The following SMOC1 variants were observed in gnomAD, a reference collection of about 807,000 sequenced individuals.
The protein encoded by SMOC1 is SPARC-related modular calcium-binding protein 1.
SMOC1 carries 22 observed loss-of-function variants against 56.3 expected under a neutral mutation model. The ratio of observed to expected loss-of-function variants is 0.39; its 90% CI spans 0.28 to 0.56. The LOEUF (loss-of-function observed/expected upper bound fraction) is 0.56. Ranked by LOEUF, SMOC1 falls within the 20% of genes least tolerant of loss-of-function variation. The pLI is 0.61. For missense variants in SMOC1, 509 were observed against 565.4 expected, an observed-to-expected ratio of 0.90 and a Z score of 1.01; for synonymous variants, 193 against 215.0, an observed-to-expected ratio of 0.90 and a Z score of 0.89.
At chr14:69,898,284 A>G (rs1079903) in intron 1 of SMOC1, among the ~76,000 whole-genome samples, 123,065 of 152,086 alleles carry the variant, frequency 0.81, 51,831 homozygotes, top group East Asian at 0.94. Flanking sequence ...TACCTGGCTT[A>G]GTGTTCTCTC....
intron 1 of SMOC1, among the ~76,000 whole-genome samples, chr14:69,910,140 T>C (rs2139344686): frequency 6.6e-6 from 1 of 152,362 alleles, no homozygotes; most frequent in African/African-American, 2.4e-5. Flanking sequence ...ACATGTTTTA[T>C]GGATCAAGTC....
At chr14:70,011,941 C>T (rs917414654) in intron 9 of SMOC1, among the ~76,000 whole-genome samples, 6 of 152,168 alleles carry the variant, frequency 3.9e-5, no homozygotes, top group Non-Finnish European at 8.8e-5. Context: ...TGGACAGTGT[C>T]TGTTGCTTGC....
intron 4 of SMOC1, 104 bp downstream of exon 4, chr14:69,975,918 T>C: frequency 1.3e-6 from 1 of 794,122 alleles, no homozygotes; most frequent in Non-Finnish European, 2.2e-6. Flanking sequence ...ATGGTGGTGA[T>C]GAACCTTTTT....
At chr14:70,022,219 T>G (rs1229669596) in intron 10 of SMOC1, among the ~76,000 whole-genome samples, 1 of 152,180 alleles carries the variant, frequency 6.6e-6, no homozygotes, top group African/African-American at 2.4e-5. Context: ...CTTTAAAAAT[T>G]GTAAATAGTA....
chr14:69,928,115 G>A (rs141743450), intron 1 of SMOC1, among the ~76,000 whole-genome samples: 99 of 152,294 alleles, frequency 6.5e-4, no homozygotes, highest in Middle Eastern at 6.8e-3. Context: ...TGAGGAGAAG[G>A]GACTTGCCCA....
At chr14:69,930,234 AC>A (rs1885131239) in intron 1 of SMOC1, among the ~76,000 whole-genome samples, 1 of 148,270 alleles carries the variant, frequency 6.7e-6, no homozygotes, top group African/African-American at 2.5e-5. Context: ...CACCCTTCCC[AC>A]CTCTGCACCT....
intron 3 of SMOC1, among the ~76,000 whole-genome samples, chr14:69,961,647 A>C (rs1883384682): frequency 6.6e-6 from 1 of 152,060 alleles, no homozygotes; most frequent in Admixed American, 6.6e-5. Context: ...CTCCCAAAGG[A>C]TTACAGGTGT....
chr14:69,881,033 G>A (rs1883623573), intron 1 of SMOC1, among the ~76,000 whole-genome samples: 1 of 152,166 alleles, frequency 6.6e-6, no homozygotes, highest in Non-Finnish European at 1.5e-5. Context: ...CCCGTGTTGG[G>A]CCAGCCCTTG....
intron 1 of SMOC1, 43 bp from the exon 2 acceptor site, chr14:69,952,095 T>G: frequency 6.2e-7 from 1 of 1,610,384 alleles, no homozygotes; most frequent in Non-Finnish European, 8.5e-7. Context: ...CTACTTTTCT[T>G]GCAAAAGTAA....
At chr14:69,943,911 A>G (rs1448409762) in intron 1 of SMOC1, among the ~76,000 whole-genome samples, 1 of 152,204 alleles carries the variant, frequency 6.6e-6, no homozygotes, top group African/African-American at 2.4e-5. Context: ...CCTCAGTGGC[A>G]TCTGGGGCAT....
intron 7 of SMOC1, among the ~76,000 whole-genome samples, chr14:70,000,934 G>C (rs1884944717): frequency 1.3e-5 from 2 of 152,196 alleles, no homozygotes; most frequent in South Asian, 4.1e-4. Context: ...TGGGGTGGAC[G>C]GTGTTACTTT....
chr14:69,912,612 A>ACC, intron 1 of SMOC1, among the ~76,000 whole-genome samples: 1 of 152,310 alleles, frequency 6.6e-6, no homozygotes, highest in African/African-American at 2.4e-5. Context: ...TTCAGAGGTG[A>ACC]TAGGTGGCCA....
chr14:69,919,315 C>T (rs1180213595), intron 1 of SMOC1, among the ~76,000 whole-genome samples: 5 of 152,136 alleles, frequency 3.3e-5, no homozygotes, highest in Admixed American at 3.3e-4. Flanking sequence ...CTCTCACAGC[C>T]CCTTTCCCTC....
chr14:69,884,911 T>C (rs1217309129), intron 1 of SMOC1, among the ~76,000 whole-genome samples: 1 of 152,222 alleles, frequency 6.6e-6, no homozygotes, highest in Non-Finnish European at 1.5e-5. Context: ...CTTTGGCTAT[T>C]CAGGGTCTTT....
At chr14:69,912,713 A>T (rs56017480) in intron 1 of SMOC1, among the ~76,000 whole-genome samples, 1,903 of 152,218 alleles carry the variant, frequency 0.013, 44 homozygotes, top group South Asian at 0.099. Flanking sequence ...CTCCAGCCAT[A>T]ACACTTGCTT....
chr14:69,899,278 T>A (rs574705156), intron 1 of SMOC1, among the ~76,000 whole-genome samples: 1 of 152,184 alleles, frequency 6.6e-6, no homozygotes, highest in East Asian at 1.9e-4. Flanking sequence ...CATGTTCAAT[T>A]GTAATCCCCA....
At position 70,000,855 on chromosome 14, in the gene SMOC1, C is replaced by T. The variant is rs79241375; in HGVS notation, c.664+6375C>T. Reference sequence around the variant, plus strand: ...CACCCATGACACTTCATCCCAGCAGCATGCCCTACTTACAGTGCCAACTGT... The same window carrying T: ...CACCCATGACACTTCATCCCAGCAGTATGCCCTACTTACAGTGCCAACTGT... On this transcript the variant is annotated intron_variant, in intron 7 of 11. Coordinates refer to ENST00000361956, the MANE Select transcript of SMOC1 (RefSeq NM_001034852.3). 1.8e-3 allele frequency among the ~76,000 whole-genome samples: 268 copies of T among 152,350 alleles called. 3 individuals carry two copies. Among genetic ancestry groups the T allele is most frequent in the Non-Finnish European group, 2.9e-3 (200 of 68,040 alleles).
intron 1 of SMOC1, among the ~76,000 whole-genome samples, chr14:69,890,340 A>C (rs568849428): frequency 2.0e-5 from 3 of 152,220 alleles, no homozygotes; most frequent in Admixed American, 6.5e-5. Context: ...AGTAATATGC[A>C]AAAAAGGGAA....
chr14:69,918,863 A>C (rs1264591525), intron 1 of SMOC1, among the ~76,000 whole-genome samples: 2 of 152,192 alleles, frequency 1.3e-5, no homozygotes, highest in East Asian at 1.9e-4. Flanking sequence ...TAGTGTCCTG[A>C]AGTGCTTCAG....
Sources: allele counts gnomAD v4.1 joint callset (sites outside exome capture counted in the v4.1 genomes callset), GRCh38; gene constraint gnomAD v4.1.1; transcripts MANE v1.5; gene names NCBI Gene and HGNC (gene_info 2026-07-23, HGNC 2026-07-21).